Variants in KCNT1 observed in about 807,000 individuals in gnomAD.
KCNT1 encodes the protein potassium sodium-activated channel subfamily T member 1, also known as potassium channel subfamily T member 1.
KCNT1 carries 78 observed loss-of-function variants against 147.8 expected under a neutral mutation model. The ratio of observed to expected loss-of-function variants is 0.53; its 90% CI spans 0.44 to 0.64. The LOEUF (loss-of-function observed/expected upper bound fraction) is 0.64. Among genes scored for constraint, KCNT1 ranks in the 30% least tolerant of loss-of-function variants. KCNT1 has a pLI of 0.00. For synonymous variants in KCNT1, 867 were observed against 748.8 expected (o/e 1.16, Z -2.58); for missense variants, 1,419 against 1,750.3 (o/e 0.81, Z 3.38).
In KCNT1 at chr9:135,752,047, C is replaced by G. The variant is rs913432417; in HGVS notation, c.434+1006C>G. ...CATTGGGCCCTGACTTTTTCATACC[C>G]GTAGATTTCCTCAAATGTCTGGTGC... On this transcript the variant is annotated intron_variant, in intron 4 of 30. Transcript: ENST00000371757. This position sits in a 1 kb window ranked among gnomAD's most constrained non-coding sequence, Gnocchi z 5.1. 9.2e-6 allele frequency: 2 copies of G among 216,900 alleles called. No individual in the cohort carries two copies. The allele number at this position is 216,900 out of a possible 1,614,324, so 13.4% of individuals were successfully genotyped here. A position where few individuals can be genotyped will look rare whatever the true frequency, so the allele number is the denominator to read the frequency against.
intron 2 of KCNT1, among the ~76,000 whole-genome samples, chr9:135,722,515 G>A (rs567849611): frequency 1.2e-3 from 177 of 152,316 alleles, no homozygotes; most frequent in African/African-American, 4.0e-3. Flanking sequence ...TCCATCATCC[G>A]GCGCGTCCAG....
chr9:135,736,234 G>T (rs1247011592), intron 2 of KCNT1, among the ~76,000 whole-genome samples: 1 of 152,138 alleles, frequency 6.6e-6, no homozygotes, highest in East Asian at 1.9e-4. Flanking sequence ...AGGCCATCCT[G>T]AGCGCCAGGC....
At chr9:135,770,798 AGGGAGCGGGACAGGGCG>A (rs1283453350) in intron 17 of KCNT1, 42 bp from the exon 18 acceptor site, 1 of 1,431,728 alleles carries the variant, frequency 7.0e-7, no homozygotes, top group Non-Finnish European at 9.5e-7. Context: ...AAGGGCAGGC[AGGGAGCGGGACAGGGCG>A]GGTGAGCGGC....
chr9:135,750,115 A>G lies in KCNT1; in HGVS notation c.272A>G (p.Tyr91Cys), dbSNP rs1049280147. ...QNDDRVQVEF[Y>C]VNENTFKERL... ...TTCTTCAGGGTCCAGGTGGAGTTCT[A>G]CGTCAACGAGAACACCTTCAAGGAG... The change falls in exon 3 of 31, where the codon TAC (tyrosine) becomes TGC (cysteine). Residue 91 changes from tyrosine (Y) to cysteine (C), a missense_variant. Coordinates refer to ENST00000371757, the MANE Select transcript of KCNT1 (RefSeq NM_020822.3). 1.1e-5 allele frequency: 18 copies of G among 1,613,556 alleles called. No individual in the cohort carries two copies. Among genetic ancestry groups the G allele is most frequent in the Non-Finnish European group, 1.4e-5 (16 of 1,179,866 alleles).
chr9:135,718,282 G>T (rs1006687322), intron 2 of KCNT1, among the ~76,000 whole-genome samples: 1 of 152,240 alleles, frequency 6.6e-6, no homozygotes, highest in Non-Finnish European at 1.5e-5. Context: ...GCCGTGTGAG[G>T]TGGGAGGACG....
chr9:135,775,389 C>A lies in KCNT1; in HGVS notation c.2323C>A (p.Pro775Thr). Residue 775 changes from proline to threonine, a missense_variant, in exon 20 of 31, where the codon CCC becomes ACC. Pro to Thr is a conservative substitution (Grantham distance 38, BLOSUM62 -1). Coordinates refer to ENST00000371757, the MANE Select transcript of KCNT1 (RefSeq NM_020822.3). ...TLCHLLPVKA[P>T]FCCLRLDKGC... ...GTGCCACCTCCTGCCTGTGAAAGCC[C>A]CCTTCTGCTGCCTGCGGCTGGACAA... 1 of 1,611,044 alleles carries A rather than the reference C, an allele frequency of 6.2e-7. No individual in the cohort carries two copies. The highest frequency in any genetic ancestry group is 8.5e-7 in the Non-Finnish European group (1 of 1,178,532).
intron 1 of KCNT1, among the ~76,000 whole-genome samples, chr9:135,707,342 A>G (rs1835298529): frequency 6.6e-6 from 1 of 151,498 alleles, no homozygotes; most frequent in Admixed American, 6.6e-5. Flanking sequence ...CAGGCTGTCC[A>G]CCCTAGGAGG....
chr9:135,754,023 A>G (rs759425798), intron 5 of KCNT1, 30 bp downstream of exon 5: 2 of 1,602,166 alleles, frequency 1.2e-6, no homozygotes, highest in Non-Finnish European at 1.7e-6. Flanking sequence ...CCCAATAGCC[A>G]GGCGCTCAGA....
At chr9:135,785,950 C>G in intron 28 of KCNT1, 1 of 560,986 alleles carries the variant, frequency 1.8e-6, no homozygotes, top group Non-Finnish European at 3.1e-6. Flanking sequence ...AATCCCTTGA[C>G]CAGGCCCGGG....
chr9:135,734,864 T>G (rs921497119), intron 2 of KCNT1, among the ~76,000 whole-genome samples: 3 of 152,134 alleles, frequency 2.0e-5, no homozygotes, highest in Non-Finnish European at 4.4e-5. Flanking sequence ...TGGGCAGCCC[T>G]GATGTCCATC....
At chr9:135,774,576 G>A (rs922656281) in intron 19 of KCNT1, among the ~76,000 whole-genome samples, 1 of 151,396 alleles carries the variant, frequency 6.6e-6, no homozygotes, top group Non-Finnish European at 1.5e-5. Flanking sequence ...GTGTCTGTGT[G>A]TTGTGTGTCC....
chr9:135,777,237 G>A, intron 20 of KCNT1, 101 bp from the exon 21 acceptor site: 1 of 1,278,464 alleles, frequency 7.8e-7, no homozygotes, highest in Non-Finnish European at 1.1e-6. Flanking sequence ...CTAACGGCTG[G>A]GTGTTCACGG....
chr9:135,726,609 C>T (rs763959474), intron 2 of KCNT1, among the ~76,000 whole-genome samples: 12 of 152,050 alleles, frequency 7.9e-5, no homozygotes, highest in Non-Finnish European at 1.8e-4. Flanking sequence ...GCCAAGGCCT[C>T]GCCCTACTCC....
intron 22 of KCNT1, 84 bp downstream of exon 22, chr9:135,778,579 C>T (rs531062667): frequency 2.5e-6 from 4 of 1,601,352 alleles, no homozygotes; most frequent in East Asian, 4.5e-5. Context: ...ACCCCGACCG[C>T]AGGTGGGGTG....
intron 1 of KCNT1, 55 bp downstream of exon 1, chr9:135,702,423 C>CT: frequency 7.3e-7 from 1 of 1,363,160 alleles, no homozygotes; most frequent in Non-Finnish European, 1.0e-6. Flanking sequence ...ACCTAAGACC[C>CT]CCAAGTTCCC....
intron 1 of KCNT1, among the ~76,000 whole-genome samples, chr9:135,708,750 G>C (rs1835356926): frequency 6.6e-6 from 1 of 152,162 alleles, no homozygotes; most frequent in African/African-American, 2.4e-5. Flanking sequence ...TTGCCATGTT[G>C]CCCAGGCTGG....
At chr9:135,742,157 C>T (rs544641553) in intron 2 of KCNT1, among the ~76,000 whole-genome samples, 3 of 152,334 alleles carry the variant, frequency 2.0e-5, no homozygotes, top group African/African-American at 7.2e-5. Flanking sequence ...GGCATCAGCT[C>T]TGAGCCCTGG....
chr9:135,759,698 C>T lies in KCNT1; in HGVS notation c.874C>T (p.Leu292=). 1 of 1,610,352 alleles carries T rather than the reference C, an allele frequency of 6.2e-7. No homozygotes were observed. The highest frequency in any genetic ancestry group is 8.5e-7 in the Non-Finnish European group (1 of 1,177,948). Residue 292 remains leucine (L), a synonymous_variant, in exon 11 of 31, where the codon CTG becomes TTG. Coordinates refer to ENST00000371757, the MANE Select transcript of KCNT1 (RefSeq NM_020822.3). ...VFTGTCGIQH[L]ERAGENLSLL... ...TTGCAGGACCTGCGGCATCCAGCAC[C>T]TGGAGCGGGCGGGCGAGAACCTGTC...
At chr9:135,770,495 C>T in intron 17 of KCNT1, 48 bp downstream of exon 17, 1 of 1,559,814 alleles carries the variant, frequency 6.4e-7, no homozygotes, top group Non-Finnish European at 8.7e-7. Flanking sequence ...GGCTGCTCTG[C>T]TCTGTGCCCT....
Sources: allele counts gnomAD v4.1 joint callset (sites outside exome capture counted in the v4.1 genomes callset), GRCh38; gene constraint gnomAD v4.1.1; non-coding constraint Gnocchi (gnomAD v3.1); transcripts MANE v1.5; gene names NCBI Gene and HGNC (gene_info 2026-07-23, HGNC 2026-07-21).